The following GSDMD variants were observed in gnomAD, a reference collection of about 807,000 sequenced individuals.
GSDMD encodes gasdermin D.
GSDMD carries 46 observed loss-of-function variants against 46.7 expected under a neutral mutation model. The ratio of observed to expected loss-of-function variants is 0.99; its 90% CI spans 0.78 to 1.26. The LOEUF is 1.26. Among genes scored for constraint, GSDMD ranks in the 50% most tolerant of loss-of-function variants. The pLI is 0.00. For missense variants in GSDMD, 649 were observed against 638.8 expected (o/e 1.02, Z -0.17); for synonymous variants, 307 against 283.1 (o/e 1.08, Z -0.85).
In GSDMD at chr8:143,559,764, G is replaced by C; in HGVS notation, c.218-13G>C. On this transcript the variant is annotated splice_polypyrimidine_tract_variant and intron_variant, in intron 2 of 10. Coordinates refer to ENST00000262580, the MANE Select transcript of GSDMD (RefSeq NM_024736.7). ...GGGCGCTGGGCACAGCCTCAGGTCT[G>C]GCCTTGCTTTAGACGTGCAGCGTGG... 1 of 1,580,244 alleles carries C rather than the reference G, an allele frequency of 6.3e-7. No homozygotes were observed. Among genetic ancestry groups the C allele is most frequent in the East Asian group, 2.2e-5 (1 of 44,728 alleles).
chr8:143,558,082 C>T (rs1384521008), upstream of GSDMD: 7 of 459,750 alleles, frequency 1.5e-5, no homozygotes, highest in South Asian at 4.1e-5. Context: ...TTAGTAGAGA[C>T]GGGGTTTCAC....
chr8:143,560,260 A>G (rs1349377432), intron 3 of GSDMD: 3 of 685,850 alleles, frequency 4.4e-6, no homozygotes, highest in Non-Finnish European at 8.0e-6. Context: ...ACCAGCTTGC[A>G]GGAAGGAAGC....
upstream of GSDMD, chr8:143,558,114 G>C (rs567443730): frequency 5.5e-5 from 29 of 525,672 alleles, no homozygotes; most frequent in Non-Finnish European, 8.4e-5. Context: ...GTCTGGTCTT[G>C]AACTCCCGAC....
upstream of GSDMD, among the ~76,000 whole-genome samples, chr8:143,554,401 C>T (rs902596832): frequency 4.0e-5 from 6 of 151,274 alleles, no homozygotes; most frequent in African/African-American, 9.7e-5. Context: ...CGCACAAACG[C>T]GCACACGTAC....
At chr8:143,555,371 C>T (rs1045256824), upstream of GSDMD, among the ~76,000 whole-genome samples, 25 of 152,282 alleles carry the variant, frequency 1.6e-4, no homozygotes, top group African/African-American at 5.5e-4. Flanking sequence ...CCCAGGCTGC[C>T]GCAACATCCC....
upstream of GSDMD, among the ~76,000 whole-genome samples, chr8:143,557,403 CAGCTGCTGCCGCTGTGGCGAA>C (rs1229482755): frequency 1.1e-4 from 14 of 124,668 alleles, no homozygotes; most frequent in African/African-American, 3.1e-4. Flanking sequence ...GCTGTGACGA[CAGCTGCTGCCGCTGTGGCGAA>C]GGATGCTGCC....
At chr8:143,557,334 TGGTGAAG>T (rs1823321193), upstream of GSDMD, among the ~76,000 whole-genome samples, 1 of 41,868 alleles carries the variant, frequency 2.4e-5, no homozygotes, top group Non-Finnish European at 5.6e-5. Flanking sequence ...GCTGCCGCTA[TGGTGAAG>T]GATGCTGCCG....
chr8:143,557,076 C>T (rs371661490), upstream of GSDMD, among the ~76,000 whole-genome samples: 24 of 152,396 alleles, frequency 1.6e-4, no homozygotes, highest in South Asian at 4.3e-3. Context: ...GGACACATCA[C>T]GTGAGCAGGA....
upstream of GSDMD, among the ~76,000 whole-genome samples, chr8:143,555,703 G>A (rs949097230): frequency 2.0e-5 from 3 of 152,194 alleles, no homozygotes; most frequent in Admixed American, 6.5e-5. Context: ...CTTGCCTGCC[G>A]GGGTCACGGA....
In GSDMD at chr8:143,562,527, A is replaced by G. The variant is rs562199918; in HGVS notation, c.1212+6A>G. 1.4e-5 allele frequency: 23 copies of G among 1,605,718 alleles called. No homozygotes were observed. In the South Asian group the frequency reaches 2.5e-4, roughly 18 times the overall value. On this transcript the variant is annotated splice_donor_region_variant and intron_variant, in intron 10 of 10. Coordinates refer to ENST00000262580, the MANE Select transcript of GSDMD (RefSeq NM_024736.7). ...TGTTGGGGCCGCTCGAGCTGGTGAG[A>G]GGGTTGGGTTCGGGCTGCAGGAGGA...
intron 5 of GSDMD, 119 bp downstream of exon 5, chr8:143,561,223 C>CT (rs1232984492): frequency 8.1e-7 from 1 of 1,230,810 alleles, no homozygotes; most frequent in Non-Finnish European, 1.2e-6. Flanking sequence ...CGTCCTGTGT[C>CT]TGGCAGGTGG....
intron 5 of GSDMD, 84 bp from the exon 6 acceptor site, chr8:143,561,286 A>G: frequency 7.6e-7 from 1 of 1,317,850 alleles, no homozygotes; most frequent in South Asian, 1.3e-5. Flanking sequence ...TGAGCTGGAC[A>G]GGGGAGCTCC....
rs991094969 is a variant in GSDMD, at chr8:143,562,702, G to A, written c.1253G>A (p.Arg418His). The A allele has an allele frequency of 3.1e-6, 5 of 1,600,588 alleles. No individual in the cohort carries two copies. The highest frequency in any genetic ancestry group is 2.3e-5 in the East Asian group (1 of 44,238). The change falls in exon 11 of 11, where the codon CGC (arginine) becomes CAC (histidine). Residue 418 changes from arginine (R) to histidine (H), a missense_variant. By Grantham distance (29) the Arg-to-His change is conservative. Coordinates refer to ENST00000262580, the MANE Select transcript of GSDMD (RefSeq NM_024736.7). ...GAGCAGAGTGCCCCGTGGCAGGAGC[G>A]CAGCACCATGTCCCTGCCCCCCGGG... ...LLEQSAPWQE[R>H]STMSLPPGLL...
chr8:143,556,216 C>T (rs1823294365), upstream of GSDMD, among the ~76,000 whole-genome samples: 1 of 151,748 alleles, frequency 6.6e-6, no homozygotes, highest in Non-Finnish European at 1.5e-5. Context: ...CCGTCTCTCA[C>T]ACACAGACAC....
At position 143,562,646 on chromosome 8, in the gene GSDMD, T is replaced by G; in HGVS notation, c.1213-16T>G. ...CAGATTTCCCCATCTGACTCACTCC[T>G]GCCCTGTCTTGGCAGGTGGGCAGCC... On this transcript the variant is annotated splice_polypyrimidine_tract_variant and intron_variant, in intron 10 of 10. Coordinates refer to ENST00000262580, the MANE Select transcript of GSDMD (RefSeq NM_024736.7). 1 of 1,605,706 alleles carries G rather than the reference T, an allele frequency of 6.2e-7. No individual in the cohort carries two copies. The highest frequency in any genetic ancestry group is 8.5e-7 in the Non-Finnish European group (1 of 1,177,780).
At chr8:143,561,135 A>C (rs768603123) in intron 5 of GSDMD, 31 bp downstream of exon 5, 1 of 1,593,116 alleles carries the variant, frequency 6.3e-7, no homozygotes, top group South Asian at 1.1e-5. Flanking sequence ...TCTCGGGCCC[A>C]GGCCCTGGCA....
At position 143,561,727 on chromosome 8, in the gene GSDMD, C is replaced by T; in HGVS notation, c.737-15C>T. On this transcript the variant is annotated splice_polypyrimidine_tract_variant and intron_variant, in intron 6 of 10. Coordinates refer to ENST00000262580, the MANE Select transcript of GSDMD (RefSeq NM_024736.7). ...CCGGCACTGACCAGCCCTGCCCTCC[C>T]ATGCCCCTGCCCAGGCCACAAGCGT... is the stretch of plus-strand genomic sequence containing the variant. 2 of 1,597,016 alleles carry T rather than the reference C, an allele frequency of 1.3e-6. No individual in the cohort carries two copies. Among genetic ancestry groups the T allele is most frequent in the Non-Finnish European group, 1.7e-6 (2 of 1,171,842 alleles).
chr8:143,562,166 C>T (rs368529840), intron 8 of GSDMD, 35 bp downstream of exon 8: 29 of 1,595,728 alleles, frequency 1.8e-5, no homozygotes, highest in Non-Finnish European at 2.4e-5. Flanking sequence ...CACACAAGGC[C>T]TGCCCAGCCA....
intron 6 of GSDMD, 62 bp from the exon 7 acceptor site, chr8:143,561,680 T>C: frequency 7.3e-7 from 1 of 1,375,690 alleles, no homozygotes; most frequent in East Asian, 2.5e-5. Context: ...GCCTCAGCCC[T>C]CTCTGGCTCA....
Sources: allele counts gnomAD v4.1 joint callset (sites outside exome capture counted in the v4.1 genomes callset), GRCh38; gene constraint gnomAD v4.1.1; transcripts MANE v1.5; gene names NCBI Gene and HGNC (gene_info 2026-07-23, HGNC 2026-07-21).